The following AFF2 variants were observed in gnomAD, a reference collection of about 807,000 sequenced individuals.
AFF2 encodes ALF transcription elongation factor 2, also known as AF4/FMR2 family member 2.
In AFF2, 14 loss-of-function variants were observed where a neutral mutation model predicts 76.9. The observed-to-expected ratio is 0.18, with a 90% CI of 0.12 to 0.28. The LOEUF is 0.28. AFF2 is among the 10% of genes least tolerant of loss of function. AFF2 has a pLI of 1.00. For missense variants in AFF2, 868 were observed against 1,001.1 expected (o/e 0.87, Z 1.79); for synonymous variants, 398 against 366.7 (o/e 1.09, Z -0.98).
chrX:148,508,183 C>T (rs2052443994), intron 1 of AFF2, among the ~76,000 whole-genome samples: 1 of 111,825 alleles, frequency 8.9e-6, no homozygotes, highest in Non-Finnish European at 1.9e-5. Flanking sequence ...CTATGGAGAA[C>T]AGTTTGTTTT....
At chrX:148,895,765 C>G (rs1295516422) in intron 8 of AFF2, among the ~76,000 whole-genome samples, 1 of 111,447 alleles carries the variant, frequency 9.0e-6, no homozygotes, top group East Asian at 2.8e-4. Context: ...TGCAGTGGTA[C>G]TTGTGATAAT....
intron 3 of AFF2, among the ~76,000 whole-genome samples, chrX:148,778,203 G>A (rs543089003): frequency 5.4e-5 from 6 of 111,663 alleles, no homozygotes; most frequent in Admixed American, 1.9e-4. Flanking sequence ...GGATGAAGCC[G>A]ACTTGATCGT....
At chrX:148,742,227 C>T (rs2055364792) in intron 3 of AFF2, among the ~76,000 whole-genome samples, 1 of 112,198 alleles carries the variant, frequency 8.9e-6, no homozygotes, top group South Asian at 3.7e-4. Context: ...TAACTCCATA[C>T]ACTTCAAGCC....
chrX:148,757,562 G>T (rs2069388707), intron 3 of AFF2, among the ~76,000 whole-genome samples: 1 of 111,231 alleles, frequency 9.0e-6, no homozygotes, highest in Non-Finnish European at 1.9e-5. Flanking sequence ...AGAGTTATTA[G>T]AATTAAAAAT....
At chrX:148,709,521 A>G (rs189509217) in intron 3 of AFF2, among the ~76,000 whole-genome samples, 261 of 112,583 alleles carry the variant, frequency 2.3e-3, no homozygotes, top group African/African-American at 8.2e-3. Flanking sequence ...GTTACAGTAT[A>G]AGGATAAAAT....
intron 1 of AFF2, among the ~76,000 whole-genome samples, chrX:148,593,196 G>T (rs1044132881): frequency 1.3e-4 from 14 of 111,780 alleles, no homozygotes; most frequent in African/African-American, 4.6e-4. Flanking sequence ...AAGTTCTTGG[G>T]GTGCTCAAAC....
chrX:148,612,368 C>T (rs2053743187), intron 1 of AFF2, among the ~76,000 whole-genome samples: 1 of 112,047 alleles, frequency 8.9e-6, no homozygotes, highest in Non-Finnish European at 1.9e-5. Context: ...TTGTAATTTC[C>T]TCCAAGGATT....
At chrX:148,748,383 C>T (rs2055451713) in intron 3 of AFF2, among the ~76,000 whole-genome samples, 1 of 111,937 alleles carries the variant, frequency 8.9e-6, no homozygotes, top group Non-Finnish European at 1.9e-5. Flanking sequence ...TTAACAAGTA[C>T]TCAGTGACCT....
At chrX:148,535,710 T>C (rs2052777099) in intron 1 of AFF2, among the ~76,000 whole-genome samples, 1 of 112,173 alleles carries the variant, frequency 8.9e-6, no homozygotes, top group Admixed American at 9.4e-5. Flanking sequence ...TCCCCATGGC[T>C]ATAGCCTTAG....
intron 1 of AFF2, among the ~76,000 whole-genome samples, chrX:148,539,688 T>A (rs1232188418): frequency 9.0e-6 from 1 of 110,836 alleles, no homozygotes; most frequent in Non-Finnish European, 1.9e-5. Flanking sequence ...AATAAAACAT[T>A]GAACTAGCTC....
chrX:148,941,586 A>C (rs782356636), intron 9 of AFF2, among the ~76,000 whole-genome samples: 1 of 111,976 alleles, frequency 8.9e-6, no homozygotes, highest in South Asian at 3.8e-4. Flanking sequence ...ATGTTTGTAC[A>C]CTCTGCGACC....
chrX:148,655,864 C>T (rs935390806), intron 2 of AFF2, among the ~76,000 whole-genome samples: 8 of 111,123 alleles, frequency 7.2e-5, no homozygotes, highest in African/African-American at 9.8e-5. Context: ...CTGGTAGAAA[C>T]GAGGACATAC....
At position 148,856,659 on chromosome X, in the gene AFF2, C is replaced by T. The variant is rs782786500; in HGVS notation, c.1262+13226C>T. Among the ~76,000 whole-genome samples the T allele has an allele frequency of 2.7e-5, 3 of 111,645 alleles. No individual in the cohort carries two copies. In the South Asian group the frequency reaches 1.1e-3, roughly 42 times the overall value. On this transcript the variant is annotated intron_variant, in intron 7 of 20. Coordinates refer to ENST00000370460, the MANE Select transcript of AFF2 (RefSeq NM_002025.4). ...CCAGAGATATTCTCTGCTCCTGAGT[C>T]CCAAAACATCCTCTCACATTTTGTA...
intron 9 of AFF2, among the ~76,000 whole-genome samples, chrX:148,922,284 A>C (rs1349678025): frequency 2.7e-5 from 3 of 112,082 alleles, no homozygotes; most frequent in African/African-American, 9.7e-5. Flanking sequence ...GAACACAGAG[A>C]GCACCATCCC....
chrX:148,671,713 C>CAAATTGG (rs1484649694), intron 3 of AFF2, among the ~76,000 whole-genome samples: 6 of 110,734 alleles, frequency 5.4e-5, no homozygotes, highest in African/African-American at 2.0e-4. Context: ...TGGGAAGACT[C>CAAATTGG]AAATTGGATC....
intron 3 of AFF2, among the ~76,000 whole-genome samples, chrX:148,783,928 A>T (rs2069778925): frequency 8.9e-6 from 1 of 111,875 alleles, no homozygotes; most frequent in Non-Finnish European, 1.9e-5. Context: ...ACACAGTATT[A>T]GCAGTAGCCC....
intron 7 of AFF2, among the ~76,000 whole-genome samples, chrX:148,867,231 T>A (rs2070917944): frequency 8.9e-6 from 1 of 112,583 alleles, no homozygotes; most frequent in African/African-American, 3.2e-5. Context: ...GGATACTGGC[T>A]GAACGCATTC....
chrX:148,828,508 T>G (rs782290442), intron 4 of AFF2, among the ~76,000 whole-genome samples: 1 of 112,468 alleles, frequency 8.9e-6, no homozygotes, highest in African/African-American at 3.2e-5. Flanking sequence ...TGGTTCAACC[T>G]AATTTAGACA....
In AFF2 at chrX:148,747,935, C is replaced by T. The variant is rs12686890; in HGVS notation, c.1042-61941C>T. ...AATCATAGATTTATTAAATTTCTAT[C>T]AAACAGTGCAACAAAAAAAAATCTG... On this transcript the variant is annotated intron_variant, in intron 3 of 20. Coordinates refer to ENST00000370460, the MANE Select transcript of AFF2 (RefSeq NM_002025.4). Among the ~76,000 whole-genome samples, 241 of 111,162 alleles carry T rather than the reference C, an allele frequency of 2.2e-3. 4 individuals are homozygous for T. In the East Asian group the frequency reaches 0.048, roughly 22 times the overall value.
Sources: allele counts gnomAD v4.1 joint callset (sites outside exome capture counted in the v4.1 genomes callset), GRCh38; gene constraint gnomAD v4.1.1; transcripts MANE v1.5; gene names NCBI Gene and HGNC (gene_info 2026-07-23, HGNC 2026-07-21).